PLA2G4E: variants seen among roughly 807,000 people sequenced by gnomAD.
PLA2G4E encodes the protein phospholipase A2 group IVE, also known as cytosolic phospholipase A2 epsilon.
PLA2G4E carries 84 observed loss-of-function variants against 109.1 expected under a neutral mutation model. The observed-to-expected ratio is 0.77, with a 90% CI of 0.65 to 0.92. PLA2G4E has a LOEUF of 0.92. Among genes scored for constraint, PLA2G4E ranks in the 40% least tolerant of loss-of-function variants. The pLI, the probability that PLA2G4E is intolerant of heterozygous loss-of-function variation, is 0.00. For missense variants in PLA2G4E, 1,057 were observed against 1,076.6 expected, an observed-to-expected ratio of 0.98 and a Z score of 0.25; for synonymous variants, 469 against 436.1, an observed-to-expected ratio of 1.08 and a Z score of -0.94.
exon 20 of PLA2G4E, chr15:41,983,674 G>A (rs551397742): frequency 3.3e-5 from 43 of 1,297,138 alleles, no homozygotes; most frequent in East Asian, 3.0e-4. Flanking sequence ...AGCTGGCTGC[G>A]TAGTAACCTG....
chr15:42,005,178 C>T (rs891126236), intron 4 of PLA2G4E, among the ~76,000 whole-genome samples, 200 bp from the exon 5 acceptor site: 7 of 152,188 alleles, frequency 4.6e-5, no homozygotes, highest in African/African-American at 1.7e-4. Flanking sequence ...CACTGACAGC[C>T]CAGGGGAGGT....
chr15:42,019,355 G>T (rs1230033538), intron 1 of PLA2G4E, among the ~76,000 whole-genome samples: 2 of 152,242 alleles, frequency 1.3e-5, no homozygotes, highest in Non-Finnish European at 2.9e-5. Context: ...AGGCTCCTGG[G>T]TGGGAGTGGG....
intron 1 of PLA2G4E, among the ~76,000 whole-genome samples, chr15:42,014,261 C>T (rs1300356279): frequency 6.6e-6 from 1 of 152,082 alleles, no homozygotes; most frequent in South Asian, 2.1e-4. Flanking sequence ...CCTGGAAGCT[C>T]CAGAGAGCCT....
chr15:41,987,712 C>T (rs901311680), intron 16 of PLA2G4E, among the ~76,000 whole-genome samples: 35 of 152,156 alleles, frequency 2.3e-4, no homozygotes, highest in Admixed American at 1.0e-3. Flanking sequence ...CAGGCCTTGG[C>T]GCTGGTGTCA....
chr15:42,040,545 A>G (rs1230619857), intron 1 of PLA2G4E, among the ~76,000 whole-genome samples: 1 of 152,246 alleles, frequency 6.6e-6, no homozygotes, highest in Admixed American at 6.5e-5. Flanking sequence ...CAGTTTTCAG[A>G]TATTAGGTTT....
chr15:42,021,585 G>C (rs931186650), intron 1 of PLA2G4E, among the ~76,000 whole-genome samples: 1 of 152,052 alleles, frequency 6.6e-6, no homozygotes, highest in Non-Finnish European at 1.5e-5. Context: ...CCAATACTTC[G>C]TGAGAAAGGG....
intron 2 of PLA2G4E, among the ~76,000 whole-genome samples, chr15:42,012,360 C>G (rs17689277): frequency 0.064 from 9,688 of 152,262 alleles, 433 homozygotes; most frequent in South Asian, 0.16. Flanking sequence ...CCTGGCTTGT[C>G]TCCTCTCTTG....
At chr15:42,018,008 TG>T (rs1566845931) in intron 1 of PLA2G4E, among the ~76,000 whole-genome samples, 2 of 152,146 alleles carry the variant, frequency 1.3e-5, no homozygotes, top group Non-Finnish European at 2.9e-5. Flanking sequence ...GAATTGGGAC[TG>T]GGAAGGGGGT....
At chr15:42,038,356 A>G (rs909364693) in intron 1 of PLA2G4E, among the ~76,000 whole-genome samples, 8 of 152,238 alleles carry the variant, frequency 5.3e-5, no homozygotes, top group African/African-American at 1.9e-4. Context: ...TGTAATATAT[A>G]ATAAAATAAT....
chr15:41,989,608 A>G, intron 14 of PLA2G4E, 56 bp from the exon 15 acceptor site: 1 of 1,557,604 alleles, frequency 6.4e-7, no homozygotes, highest in South Asian at 1.2e-5. Flanking sequence ...CCGTCCACAC[A>G]GCCGGGCCCC....
At chr15:42,013,810 T>G in intron 1 of PLA2G4E, 53 bp from the exon 2 acceptor site, 1 of 986,088 alleles carries the variant, frequency 1.0e-6, no homozygotes. Flanking sequence ...TCCAAGGCCA[T>G]TGCCCCGGGG....
At chr15:42,007,276 G>GAAC (rs1362822346) in intron 3 of PLA2G4E, among the ~76,000 whole-genome samples, 1 of 152,036 alleles carries the variant, frequency 6.6e-6, no homozygotes, top group Admixed American at 6.6e-5. Flanking sequence ...CAATCCCATG[G>GAAC]AACAACTCAA....
intron 1 of PLA2G4E, among the ~76,000 whole-genome samples, chr15:42,018,404 G>A (rs776534355): frequency 1.3e-5 from 2 of 152,148 alleles, no homozygotes; most frequent in East Asian, 1.9e-4. Context: ...GGCTGGGATT[G>A]GGTATCAGGG....
chr15:41,983,682 C>T (rs564397848), exon 20 of PLA2G4E: 2 of 1,363,920 alleles, frequency 1.5e-6, no homozygotes, highest in East Asian at 5.0e-5. Context: ...GCGTAGTAAC[C>T]TGGTCAGCCC....
intron 1 of PLA2G4E, among the ~76,000 whole-genome samples, chr15:42,014,921 T>G (rs1210909675): frequency 6.6e-6 from 1 of 152,050 alleles, no homozygotes; most frequent in Non-Finnish European, 1.5e-5. Context: ...AGCCCTGAGG[T>G]GTCCCCCTTC....
rs527463129 is a variant in PLA2G4E at position 42,021,033 on chromosome 15, C to T, written c.184-7276G>A. ...GCGTGCATCTGCCTCAGGAGCATCACGGCAGCTCTCCAGCTGGGTGGCAAG... is the reference window on the plus strand; with the variant it reads ...GCGTGCATCTGCCTCAGGAGCATCATGGCAGCTCTCCAGCTGGGTGGCAAG... On this transcript the variant is annotated intron_variant, in intron 1 of 19. It adds an upstream start codon to the 5' untranslated region. Coordinates refer to ENST00000399518, the Ensembl canonical transcript of PLA2G4E. Among the ~76,000 whole-genome samples, 7 of 152,016 alleles carry T rather than the reference C, an allele frequency of 4.6e-5. No individual in the cohort carries two copies. Among genetic ancestry groups the T allele is most frequent in the South Asian group, 4.2e-4 (2 of 4,790 alleles).
chr15:41,985,814 C>T (rs772727868), intron 18 of PLA2G4E, 25 bp downstream of exon 18: 45 of 1,598,008 alleles, frequency 2.8e-5, no homozygotes, highest in Non-Finnish European at 3.8e-5. Flanking sequence ...GCAGCCCATG[C>T]TCAGGAGGGA....
intron 1 of PLA2G4E, among the ~76,000 whole-genome samples, chr15:42,018,995 T>C (rs2068622615): frequency 6.6e-6 from 1 of 152,188 alleles, no homozygotes; most frequent in African/African-American, 2.4e-5. Flanking sequence ...TATGCTCTTA[T>C]CTAACCTTCC....
chr15:42,042,793 T>C (rs1211086967), intron 1 of PLA2G4E, among the ~76,000 whole-genome samples: 3 of 152,140 alleles, frequency 2.0e-5, no homozygotes, highest in Non-Finnish European at 4.4e-5. Context: ...CATCCACTCA[T>C]TGGGCAAGGA....
Sources: allele counts gnomAD v4.1 joint callset (sites outside exome capture counted in the v4.1 genomes callset), GRCh38; gene constraint gnomAD v4.1.1; transcripts MANE v1.5; gene names NCBI Gene and HGNC (gene_info 2026-07-23, HGNC 2026-07-21).